The following PCNX4 variants were observed in gnomAD, a reference collection of about 807,000 sequenced individuals.
The protein encoded by PCNX4 is pecanex 4, also known as pecanex-like protein 4.
A neutral mutation model predicts 107.2 loss-of-function variants in PCNX4; 103 were observed. The ratio of observed to expected loss-of-function variants is 0.96; its 90% CI spans 0.82 to 1.13. The LOEUF (loss-of-function observed/expected upper bound fraction) is 1.13. PCNX4 is among the 50% of genes most tolerant of loss of function. PCNX4 has a pLI of 0.00. For missense variants in PCNX4, 1,528 were observed against 1,379.4 expected, an observed-to-expected ratio of 1.11 and a Z score of -1.71; for synonymous variants, 541 against 481.7, an observed-to-expected ratio of 1.12 and a Z score of -1.61.
intron 6 of PCNX4, among the ~76,000 whole-genome samples, 159 bp from the exon 7 acceptor site, chr14:60,118,170 A>G (rs1169534996): frequency 6.6e-6 from 1 of 151,164 alleles, no homozygotes; most frequent in East Asian, 1.9e-4. Flanking sequence ...ATTAATTATG[A>G]GGTTGGAGAA....
At chr14:60,104,839 A>T (rs756208819) in intron 1 of PCNX4, among the ~76,000 whole-genome samples, 1 of 152,174 alleles carries the variant, frequency 6.6e-6, no homozygotes, top group Non-Finnish European at 1.5e-5. Flanking sequence ...ACAATTCAAG[A>T]TGAGATTTGG....
At position 60,146,689 on chromosome 14, in the gene PCNX4, GTA is replaced by G. The variant is rs56808858; in HGVS notation, c.*12480_*12481del. ...AAAATGTGTGTGTGTGTCTGTGTGT[GTA>G]TATATATATATGGAATATTATTCCA... On this transcript the variant is annotated 3_prime_UTR_variant, in exon 11 of 11. Coordinates refer to ENST00000406854, the MANE Select transcript of PCNX4 (RefSeq NM_001330177.2). The surrounding 1 kb of genome is among the most constrained non-coding windows in gnomAD (Gnocchi z 4.9). 2.6e-5 allele frequency: 4 copies of G among 151,060 alleles called. No homozygotes were observed. Among genetic ancestry groups the G allele is most frequent in the Non-Finnish European group, 4.4e-5 (3 of 67,744 alleles). The allele number at this position is 151,060 out of a possible 1,614,324, so 9.4% of individuals were successfully genotyped here. A position where few individuals can be genotyped will look rare whatever the true frequency, so the allele number is the denominator to read the frequency against.
At chr14:60,123,876 C>T (rs1381079122) in intron 8 of PCNX4, among the ~76,000 whole-genome samples, 1 of 151,950 alleles carries the variant, frequency 6.6e-6, no homozygotes, top group Non-Finnish European at 1.5e-5. Context: ...CTTTTTTTCT[C>T]CTCCAGGATT....
At chr14:60,113,015 C>T (rs566501119) in intron 2 of PCNX4, among the ~76,000 whole-genome samples, 1 of 152,264 alleles carries the variant, frequency 6.6e-6, no homozygotes, top group African/African-American at 2.4e-5. Flanking sequence ...AACCCTGTCT[C>T]TACTAAAAAT....
chr14:60,104,564 AT>A (rs1193026028), intron 1 of PCNX4, among the ~76,000 whole-genome samples: 1 of 152,184 alleles, frequency 6.6e-6, no homozygotes, highest in African/African-American at 2.4e-5. Flanking sequence ...AGACTGGGTA[AT>A]TTATAAAGAA....
In PCNX4 at chr14:60,124,422, GA is replaced by G; in HGVS notation, c.2255del (p.Asn752ThrfsTer2). On this transcript the variant is annotated frameshift_variant, in exon 9 of 11. Coordinates refer to ENST00000406854, the MANE Select transcript of PCNX4 (RefSeq NM_001330177.2). LOFTEE classifies it high-confidence loss of function. Reference sequence around the variant, plus strand: ...TCTATCAGGCATAATTGATTCTCATGAAAACTTAAAAGAATTTAAAGGTGAC... The same window carrying G: ...TCTATCAGGCATAATTGATTCTCATGAAACTTAAAAGAATTTAAAGGTGAC... ...NVLSGIIDSH[E>X]NLKEFKGDLI... 1 of 1,613,516 alleles carries G rather than the reference GA, an allele frequency of 6.2e-7. No homozygotes were observed.
At position 60,134,811 on chromosome 14, in the gene PCNX4, A is replaced by C. The variant is rs551338199; in HGVS notation, c.*590A>C. On this transcript the variant is annotated 3_prime_UTR_variant, in exon 11 of 11. Transcript: ENST00000406854. ...AATAAAATATTTTCCTTCCTTTTCAAATATCCTTCTAATATATGTGAAAGG... is the reference window on the plus strand; with the variant it reads ...AATAAAATATTTTCCTTCCTTTTCACATATCCTTCTAATATATGTGAAAGG... The C allele has an allele frequency of 6.6e-6, 1 of 152,508 alleles. No individual in the cohort carries two copies. Among genetic ancestry groups the C allele is most frequent in the African/African-American group, 2.4e-5 (1 of 41,570 alleles). 9.4% of individuals were successfully genotyped at this position (152,508 alleles called of 1,614,324 possible).
rs1214095459 is a variant in PCNX4, at chr14:60,142,414, C to G, written c.*8193C>G. ...ACTCTTTTACCAACTCACCTGCTGTCACCTTACACAACCCCAACTGTGTTT... is the reference window on the plus strand; with the variant it reads ...ACTCTTTTACCAACTCACCTGCTGTGACCTTACACAACCCCAACTGTGTTT... On this transcript the variant is annotated 3_prime_UTR_variant, in exon 11 of 11. Coordinates refer to ENST00000406854, the MANE Select transcript of PCNX4 (RefSeq NM_001330177.2). This position sits in a 1 kb window ranked among gnomAD's most constrained non-coding sequence, Gnocchi z 4.7. 6.6e-6 allele frequency: 1 copy of G among 152,176 alleles called. No individual in the cohort carries two copies. Among genetic ancestry groups the G allele is most frequent in the Non-Finnish European group, 1.5e-5 (1 of 68,034 alleles). 9.4% of individuals were successfully genotyped at this position (152,176 alleles called of 1,614,324 possible).
chr14:60,103,451 G>T (rs905404674), intron 1 of PCNX4, among the ~76,000 whole-genome samples: 1 of 152,166 alleles, frequency 6.6e-6, no homozygotes, highest in African/African-American at 2.4e-5. Flanking sequence ...AAACTGCCCT[G>T]ACCACAGACC....
chr14:60,106,370 T>C (rs1441703153), intron 1 of PCNX4, among the ~76,000 whole-genome samples: 1 of 152,228 alleles, frequency 6.6e-6, no homozygotes, highest in African/African-American at 2.4e-5. Context: ...AGCTATACTT[T>C]ATTATTTAGG....
chr14:60,097,359 G>A (rs770507928), intron 1 of PCNX4, among the ~76,000 whole-genome samples: 27 of 152,136 alleles, frequency 1.8e-4, no homozygotes, highest in Non-Finnish European at 3.4e-4. Flanking sequence ...AGAGCCCAAA[G>A]GAACGTCCTA....
Position 60,139,907 on chromosome 14 carries a change from C to T in PCNX4, c.*5686C>T, listed in dbSNP as rs1896287269. On this transcript the variant is annotated 3_prime_UTR_variant, in exon 11 of 11. Coordinates refer to ENST00000406854, the MANE Select transcript of PCNX4 (RefSeq NM_001330177.2). ...TACATGTCAAAACTTATGGTAGACGCCTAAAGCCATGCTTAGAAGGAAATT... is the reference window on the plus strand; with the variant it reads ...TACATGTCAAAACTTATGGTAGACGTCTAAAGCCATGCTTAGAAGGAAATT... The T allele has an allele frequency of 6.6e-6, 1 of 150,662 alleles. No individual in the cohort carries two copies. The highest frequency in any genetic ancestry group is 1.5e-5 in the Non-Finnish European group (1 of 67,728). 9.3% of individuals were successfully genotyped at this position (150,662 alleles called of 1,614,324 possible).
intron 6 of PCNX4, among the ~76,000 whole-genome samples, chr14:60,116,805 C>A (rs1265512934): frequency 1.3e-5 from 2 of 152,050 alleles, no homozygotes; most frequent in Non-Finnish European, 2.9e-5. Flanking sequence ...TATGTTATTG[C>A]CCCTGAAGAC....
chr14:60,134,251 G>T lies in PCNX4; in HGVS notation c.*30G>T. The T allele has an allele frequency of 6.2e-7, 1 of 1,601,908 alleles. No homozygotes were observed. ...CATTTTGACTGTAATGTCATCAAAT[G>T]CAATGTTTTTATTTTTTCATCCTAA... On this transcript the variant is annotated 3_prime_UTR_variant, in exon 11 of 11. Coordinates refer to ENST00000406854, the MANE Select transcript of PCNX4 (RefSeq NM_001330177.2).
chr14:60,125,528 A>T, intron 9 of PCNX4, 109 bp from the exon 10 acceptor site: 1 of 839,218 alleles, frequency 1.2e-6, no homozygotes, highest in Non-Finnish European at 1.7e-6. Context: ...TATCTGAAAT[A>T]GATATGATTT....
At position 60,134,274 on chromosome 14, in the gene PCNX4, T is replaced by TA; in HGVS notation, c.*59dup. The stretch of plus-strand genomic sequence containing the variant: ...ATGCAATGTTTTTATTTTTTCATCC[T>TA]AAAAAAGTAACTGTGATTCTTGTAA... On this transcript the variant is annotated 3_prime_UTR_variant, in exon 11 of 11. Coordinates refer to ENST00000406854, the MANE Select transcript of PCNX4 (RefSeq NM_001330177.2). 1 of 1,578,144 alleles carries TA rather than the reference T, an allele frequency of 6.3e-7. No homozygotes were observed. The highest frequency in any genetic ancestry group is 8.6e-7 in the Non-Finnish European group (1 of 1,156,626).
chr14:60,096,654 C>G (rs1895430433), intron 1 of PCNX4, among the ~76,000 whole-genome samples: 1 of 152,188 alleles, frequency 6.6e-6, no homozygotes, highest in African/African-American at 2.4e-5. Context: ...CATTGGCACC[C>G]AATGGGTGGC....
chr14:60,128,660 C>T (rs1896098802), intron 10 of PCNX4, among the ~76,000 whole-genome samples: 1 of 152,054 alleles, frequency 6.6e-6, no homozygotes, highest in East Asian at 1.9e-4. Context: ...ACAAAGAGCA[C>T]CAATAAAGGT....
chr14:60,132,904 C>T (rs1595181284), intron 10 of PCNX4, among the ~76,000 whole-genome samples: 1 of 152,158 alleles, frequency 6.6e-6, no homozygotes, highest in Non-Finnish European at 1.5e-5. Flanking sequence ...TAAAATAACA[C>T]TTCACACACA....
Sources: gnomAD v4.1 joint callset for allele counts (sites outside exome capture counted in the v4.1 genomes callset) on GRCh38, gnomAD v4.1.1 for gene constraint, Gnocchi (gnomAD v3.1) non-coding constraint, MANE v1.5 for transcripts, NCBI Gene and HGNC (gene_info 2026-07-23, HGNC 2026-07-21) for gene names.